RASA3: variants seen among roughly 807,000 people sequenced by gnomAD.
RASA3 encodes the protein RAS p21 protein activator 3, also known as ras GTPase-activating protein 3.
A neutral mutation model predicts 110.0 loss-of-function variants in RASA3; 73 were observed. The observed-to-expected ratio is 0.66, with a 90% CI of 0.55 to 0.81. The LOEUF (loss-of-function observed/expected upper bound fraction) is 0.81. Among genes scored for constraint, RASA3 ranks in the 30% least tolerant of loss-of-function variants. The pLI, the probability that RASA3 is intolerant of heterozygous loss-of-function variation, is 0.00. For missense variants in RASA3, 976 were observed against 1,113.2 expected, an observed-to-expected ratio of 0.88 and a Z score of 1.75; for synonymous variants, 500 against 451.4, an observed-to-expected ratio of 1.11 and a Z score of -1.37.
chr13:114,045,267 C>T (rs1332828695), intron 3 of RASA3, among the ~76,000 whole-genome samples: 1 of 152,218 alleles, frequency 6.6e-6, no homozygotes, highest in African/African-American at 2.4e-5. Context: ...TTGAGTCACA[C>T]CGAAAAGTTT....
intron 4 of RASA3, among the ~76,000 whole-genome samples, chr13:114,030,520 AGCAAGACTCACACAGAG>A (rs2054140637): frequency 2.0e-5 from 2 of 97,720 alleles, no homozygotes; most frequent in African/African-American, 8.3e-5. Context: ...TCACACAGAG[AGCAAGACTCACACAGAG>A]GGCAAGACTC....
chr13:114,055,989 T>C (rs1238123393), intron 2 of RASA3, among the ~76,000 whole-genome samples: 1 of 152,166 alleles, frequency 6.6e-6, no homozygotes, highest in African/African-American at 2.4e-5. Context: ...ACGCCCTCCA[T>C]TGGCACAAAC....
intron 14 of RASA3, 30 bp from the exon 15 acceptor site, chr13:114,013,278 T>A (rs762753308): frequency 6.4e-7 from 1 of 1,567,992 alleles, no homozygotes; most frequent in African/African-American, 1.3e-5. Flanking sequence ...GGTGACCGTT[T>A]TCCTCGGGCA....
intron 22 of RASA3, among the ~76,000 whole-genome samples, chr13:113,991,601 G>T (rs896464716): frequency 6.6e-6 from 1 of 152,164 alleles, no homozygotes; most frequent in Admixed American, 6.5e-5. Context: ...TGGTCTAACT[G>T]GGCTTATCTG....
intron 21 of RASA3, among the ~76,000 whole-genome samples, chr13:113,993,327 C>T (rs538732007): frequency 9.3e-4 from 142 of 152,088 alleles, no homozygotes; most frequent in African/African-American, 3.3e-3. Context: ...AGGCACACAC[C>T]ACCACGCCTG....
chr13:114,088,451 C>G (rs944081553), intron 1 of RASA3, among the ~76,000 whole-genome samples: 3 of 152,182 alleles, frequency 2.0e-5, no homozygotes, highest in Admixed American at 2.0e-4. Context: ...AGCCTCTTGC[C>G]CCCTAGGGAA....
In RASA3 at chr13:113,996,628, G is replaced by A. The variant is rs1276123358; in HGVS notation, c.2044C>T (p.Arg682Cys). The change falls in exon 21 of 24, where the codon CGC (arginine) becomes TGC (cysteine). Residue 682 changes from arginine to cysteine, a missense_variant. By Grantham distance (180) the Arg-to-Cys change is radical. Transcript: ENST00000334062. ...GCGGACGGGTGGTAGACGGTGAGGCGCTTCTGGTTGCACTGGCTCACTTTG... is the reference window on the plus strand; with the variant it reads ...GCGGACGGGTGGTAGACGGTGAGGCACTTCTGGTTGCACTGGCTCACTTTG... ...LTKVSQCNQKRLTVYHPSAYL... is the reference protein window; with the variant it reads ...LTKVSQCNQKCLTVYHPSAYL... 1 of 1,613,744 alleles carries A rather than the reference G, an allele frequency of 6.2e-7. No individual in the cohort carries two copies. The highest frequency in any genetic ancestry group is 8.5e-7 in the Non-Finnish European group (1 of 1,180,024).
chr13:114,103,420 C>G (rs1046380087), intron 1 of RASA3, among the ~76,000 whole-genome samples: 1 of 152,026 alleles, frequency 6.6e-6, no homozygotes, highest in Non-Finnish European at 1.5e-5. Flanking sequence ...AAGGGAAGGT[C>G]GGGCGGCTCC....
At chr13:114,093,555 T>C (rs1301064162) in intron 1 of RASA3, among the ~76,000 whole-genome samples, 1 of 152,240 alleles carries the variant, frequency 6.6e-6, no homozygotes, top group Non-Finnish European at 1.5e-5. Flanking sequence ...TTGAATCTGA[T>C]TGGTGACCTT....
rs1443190193 is a variant in RASA3 at position 114,029,837 on chromosome 13, C to T, written c.423G>A (p.Gly141=). The change falls in exon 5 of 24, where the codon GGG becomes GGA. Residue 141 remains glycine (G), a synonymous_variant. Coordinates refer to ENST00000334062, the MANE Select transcript of RASA3 (RefSeq NM_007368.4). ...GTGTGGCGAGCTTGTGGCAGACGACCCCAGTGTCTGTGATGACCTCGCTCA... is the reference window on the plus strand; with the variant it reads ...GTGTGGCGAGCTTGTGGCAGACGACTCCAGTGTCTGTGATGACCTCGCTCA... ...LRLSEVITDT[G]VVCHKLATRI... 8.8e-6 allele frequency: 14 copies of T among 1,589,264 alleles called. No homozygotes were observed. The highest frequency in any genetic ancestry group is 2.3e-5 in the East Asian group (1 of 43,370).
chr13:114,061,260 G>A (rs964488332), intron 2 of RASA3, among the ~76,000 whole-genome samples: 1 of 151,972 alleles, frequency 6.6e-6, no homozygotes, highest in African/African-American at 2.4e-5. Context: ...CCATGGCCGG[G>A]GACGCTGCCT....
chr13:114,059,534 G>A lies in RASA3; in HGVS notation c.174-7379C>T, dbSNP rs189544198. Among the ~76,000 whole-genome samples, 5 of 152,352 alleles carry A rather than the reference G, an allele frequency of 3.3e-5. No individual in the cohort carries two copies. The East Asian group carries it at 9.7e-4, about 29-fold the overall frequency. On this transcript the variant is annotated intron_variant, in intron 2 of 23. Transcript: ENST00000334062. ...CACGTTTCAACGCTGCCTTGCCAGAGGCCAGTTCCCTCATCTCTCAGCCTC... is the reference window on the plus strand; with the variant it reads ...CACGTTTCAACGCTGCCTTGCCAGAAGCCAGTTCCCTCATCTCTCAGCCTC...
intron 23 of RASA3, among the ~76,000 whole-genome samples, chr13:113,980,428 CGTGTGTGCACCTCCTGCCAT>C (rs1407039987): frequency 1.4e-5 from 2 of 144,642 alleles, no homozygotes; most frequent in East Asian, 2.1e-4. Flanking sequence ...TCACCTCCTC[CGTGTGTGCACCTCCTGCCAT>C]GTGTGTGCAC....
intron 23 of RASA3, among the ~76,000 whole-genome samples, chr13:113,979,850 A>G (rs1174091575): frequency 6.6e-6 from 1 of 151,436 alleles, no homozygotes; most frequent in Non-Finnish European, 1.5e-5. Flanking sequence ...CACCTCCCTC[A>G]TACCATGTGT....
chr13:114,004,666 C>T (rs1390644101), intron 18 of RASA3, among the ~76,000 whole-genome samples: 1 of 152,160 alleles, frequency 6.6e-6, no homozygotes. Flanking sequence ...CTGTGGAGGA[C>T]GTGAGCGCTT....
intron 22 of RASA3, among the ~76,000 whole-genome samples, chr13:113,991,716 A>G (rs912424289): frequency 6.6e-6 from 1 of 152,250 alleles, no homozygotes; most frequent in African/African-American, 2.4e-5. Context: ...TCAAATATAT[A>G]TGCAGTATCG....
chr13:114,065,481 C>T lies in RASA3; in HGVS notation c.173+8239G>A, dbSNP rs2079431029. 6.6e-6 allele frequency among the ~76,000 whole-genome samples: 1 copy of T among 152,222 alleles called. No homozygotes were observed. The highest frequency in any genetic ancestry group is 1.5e-5 in the Non-Finnish European group (1 of 68,038). Reference sequence around the variant, plus strand: ...CCCAAGCCAGCCTCTGGGCTGAGCTCTGCGGTCCTGAGTCACTGCCTGACT... The same window carrying T: ...CCCAAGCCAGCCTCTGGGCTGAGCTTTGCGGTCCTGAGTCACTGCCTGACT... On this transcript the variant is annotated intron_variant, in intron 2 of 23. Transcript: ENST00000334062. The surrounding 1 kb of genome is among the most constrained non-coding windows in gnomAD (Gnocchi z 4.1).
At chr13:114,097,182 G>A (rs2079957819) in intron 1 of RASA3, among the ~76,000 whole-genome samples, 1 of 152,206 alleles carries the variant, frequency 6.6e-6, no homozygotes, top group South Asian at 2.1e-4. Flanking sequence ...CATCTTTAGA[G>A]CTAACTGGGA....
chr13:114,015,264 G>C lies in RASA3; in HGVS notation c.1350C>G (p.Thr450=), dbSNP rs138054843. Residue 450 remains threonine (T), a synonymous_variant, in exon 14 of 24, where the codon ACC becomes ACG. Transcript: ENST00000334062. The part of the protein sequence containing the change: ...AITESGVSCP[T]VMCDIFFSLR... ...GGGAGAAGAAGATGTCACACATGAC[G>C]GTCGGGCAGCTCACCCCAGACTCAG... 2 of 1,613,112 alleles carry C rather than the reference G, an allele frequency of 1.2e-6. No homozygotes were observed. Among genetic ancestry groups the C allele is most frequent in the African/African-American group, 1.3e-5 (1 of 74,948 alleles).
Sources: allele counts gnomAD v4.1 joint callset (sites outside exome capture counted in the v4.1 genomes callset), GRCh38; gene constraint gnomAD v4.1.1; non-coding constraint Gnocchi (gnomAD v3.1); transcripts MANE v1.5; gene names NCBI Gene and HGNC (gene_info 2026-07-23, HGNC 2026-07-21).